The following ADAM23 variants were observed in gnomAD, a reference collection of about 807,000 sequenced individuals.
ADAM23 encodes disintegrin and metalloproteinase domain-containing protein 23.
A neutral mutation model predicts 120.1 loss-of-function variants in ADAM23; 33 were observed. The observed-to-expected ratio is 0.27, with a 90% CI of 0.21 to 0.37. The LOEUF is 0.37. Among genes scored for constraint, ADAM23 ranks in the 10% least tolerant of loss-of-function variants. The probability of loss-of-function intolerance (pLI) is 1.00; values close to 1 mark genes in which losing one functional copy is unlikely to be tolerated. For synonymous variants in ADAM23, 367 were observed against 375.2 expected (o/e 0.98, Z 0.25); for missense variants, 862 against 1,058.2 (o/e 0.81, Z 2.57).
chr2:206,457,508 C>G (rs1209169097), intron 2 of ADAM23, among the ~76,000 whole-genome samples: 1 of 152,194 alleles, frequency 6.6e-6, no homozygotes, highest in East Asian at 1.9e-4. Flanking sequence ...CTAACTGCAG[C>G]TGAACTATAT....
intron 2 of ADAM23, among the ~76,000 whole-genome samples, chr2:206,456,076 C>T (rs936854731): frequency 2.0e-5 from 3 of 152,094 alleles, no homozygotes; most frequent in Non-Finnish European, 4.4e-5. Flanking sequence ...CGTTCTCACA[C>T]TGCTATAAAG....
intron 24 of ADAM23, among the ~76,000 whole-genome samples, chr2:206,597,691 T>C (rs981839958): frequency 6.6e-6 from 1 of 152,216 alleles, no homozygotes; most frequent in African/African-American, 2.4e-5. Context: ...TTCTTTATCA[T>C]GGTACTGCTA....
At chr2:206,609,423 T>C (rs1463272899) in intron 24 of ADAM23, among the ~76,000 whole-genome samples, 2 of 152,228 alleles carry the variant, frequency 1.3e-5, no homozygotes, top group African/African-American at 4.8e-5. Flanking sequence ...TTTTAACTGT[T>C]TCCAAGTGGG....
intron 2 of ADAM23, among the ~76,000 whole-genome samples, chr2:206,450,753 G>A (rs1176581240): frequency 7.9e-5 from 12 of 152,118 alleles, no homozygotes; most frequent in Non-Finnish European, 1.5e-5. Flanking sequence ...TTATTTTTAT[G>A]GTGGAGCAAG....
intron 2 of ADAM23, among the ~76,000 whole-genome samples, chr2:206,470,863 G>A (rs1230758652): frequency 6.6e-6 from 1 of 152,186 alleles, no homozygotes; most frequent in Admixed American, 6.6e-5. Flanking sequence ...GTAGATAAAA[G>A]GGATCTCTGC....
At chr2:206,566,567 A>C (rs956513353) in intron 14 of ADAM23, among the ~76,000 whole-genome samples, 1 of 152,226 alleles carries the variant, frequency 6.6e-6, no homozygotes, top group Non-Finnish European at 1.5e-5. Flanking sequence ...CTCATTTTCT[A>C]TTCCTGATTA....
At chr2:206,544,587 G>A (rs557257468) in intron 6 of ADAM23, among the ~76,000 whole-genome samples, 9 of 151,000 alleles carry the variant, frequency 6.0e-5, no homozygotes, top group Admixed American at 3.3e-4. Context: ...AGGAGAAAAA[G>A]TGAAGCCAGG....
At chr2:206,602,496 G>T (rs535115870) in intron 24 of ADAM23, among the ~76,000 whole-genome samples, 29 of 152,186 alleles carry the variant, frequency 1.9e-4, no homozygotes, top group Admixed American at 8.5e-4. Flanking sequence ...GTCTTGAATG[G>T]TAGTGGAATA....
At chr2:206,580,759 T>C (rs1215371592) in intron 18 of ADAM23, among the ~76,000 whole-genome samples, 1 of 152,136 alleles carries the variant, frequency 6.6e-6, no homozygotes, top group Non-Finnish European at 1.5e-5. Flanking sequence ...ATTCCTTCTT[T>C]CTCTATCTTG....
At chr2:206,444,726 G>A (rs1409309782) in intron 1 of ADAM23, among the ~76,000 whole-genome samples, 1 of 152,216 alleles carries the variant, frequency 6.6e-6, no homozygotes, top group Non-Finnish European at 1.5e-5. Context: ...TTGGGAAGCT[G>A]CCAGCATCTG....
chr2:206,566,958 A>G (rs531277365), intron 14 of ADAM23, among the ~76,000 whole-genome samples: 1 of 152,166 alleles, frequency 6.6e-6, no homozygotes, highest in African/African-American at 2.4e-5. Flanking sequence ...TTTAAAAAAC[A>G]TTTCAAGCCT....
intron 3 of ADAM23, among the ~76,000 whole-genome samples, chr2:206,496,097 T>C (rs935851732): frequency 3.3e-5 from 5 of 151,850 alleles, no homozygotes; most frequent in Non-Finnish European, 5.9e-5. Context: ...ATCAATGAGA[T>C]AGAAAGTTAA....
intron 5 of ADAM23, among the ~76,000 whole-genome samples, chr2:206,542,567 A>T (rs1403926349): frequency 2.0e-5 from 3 of 152,162 alleles, no homozygotes; most frequent in Non-Finnish European, 1.5e-5. Flanking sequence ...AGGGGTTCGC[A>T]CATTGACCTA....
At chr2:206,459,947 A>G (rs947750111) in intron 2 of ADAM23, among the ~76,000 whole-genome samples, 8 of 152,166 alleles carry the variant, frequency 5.3e-5, no homozygotes, top group Non-Finnish European at 1.2e-4. Context: ...ATGCACCATT[A>G]GAGTATCTTC....
chr2:206,555,433 A>G (rs1034981014), intron 9 of ADAM23, among the ~76,000 whole-genome samples: 2 of 152,012 alleles, frequency 1.3e-5, no homozygotes, highest in African/African-American at 4.8e-5. Context: ...ACTTCTCTCT[A>G]CAGTTGTTTA....
chr2:206,538,530 T>A (rs1372771326), intron 4 of ADAM23, among the ~76,000 whole-genome samples: 3 of 152,170 alleles, frequency 2.0e-5, no homozygotes, highest in Non-Finnish European at 4.4e-5. Context: ...TGTAGTTTCT[T>A]TTCAAATGTT....
intron 23 of ADAM23, among the ~76,000 whole-genome samples, chr2:206,595,385 G>A (rs935291070): frequency 2.6e-5 from 4 of 151,966 alleles, no homozygotes; most frequent in Non-Finnish European, 5.9e-5. Flanking sequence ...CAGCATGCTG[G>A]TGGGTCCCTG....
At chr2:206,520,455 G>C (rs1696819622) in intron 3 of ADAM23, among the ~76,000 whole-genome samples, 1 of 152,298 alleles carries the variant, frequency 6.6e-6, no homozygotes, top group South Asian at 2.1e-4. Context: ...AACTTACAGT[G>C]AAAGAATTTA....
At chr2:206,589,039 C>G (rs1441906178) in intron 20 of ADAM23, among the ~76,000 whole-genome samples, 1 of 152,186 alleles carries the variant, frequency 6.6e-6, no homozygotes, top group Non-Finnish European at 1.5e-5. Context: ...ATGTTAGTTT[C>G]CTGTGTGTCA....
Sources: allele counts gnomAD v4.1 joint callset (sites outside exome capture counted in the v4.1 genomes callset), GRCh38; gene constraint gnomAD v4.1.1; transcripts MANE v1.5; gene names NCBI Gene and HGNC (gene_info 2026-07-23, HGNC 2026-07-21).